TSTD2: variants seen among roughly 807,000 people sequenced by gnomAD.
TSTD2 encodes the protein thiosulfate sulfurtransferase like domain containing 2.
Under a neutral mutation model 47.9 loss-of-function variants are expected in TSTD2, and 37 were observed. That is an observed-to-expected ratio of 0.77 (90% confidence interval 0.59 to 1.02). The LOEUF (loss-of-function observed/expected upper bound fraction) is 1.02, where lower values mean the gene tolerates loss of function less well. TSTD2 is among the 50% of genes least tolerant of loss of function. TSTD2 has a pLI of 0.00. For synonymous variants in TSTD2, 201 were observed against 215.9 expected (o/e 0.93, Z 0.61); for missense variants, 586 against 616.0 (o/e 0.95, Z 0.52).
At chr9:97,627,678 A>T in intron 1 of TSTD2, 66 bp from the exon 2 acceptor site, 3 of 1,101,762 alleles carry the variant, frequency 2.7e-6, no homozygotes, top group Non-Finnish European at 2.6e-6. Context: ...ATATGAAGCT[A>T]ATCAATCACG....
Position 97,602,350 on chromosome 9 carries a change from G to GT in TSTD2, c.*118_*119insA. ...TGAAGTGTAGACGGCTGCCACGGTGGCAGCGGCCAGAACTGAAGTTCCCGA... is the reference window on the plus strand; with the variant it reads ...TGAAGTGTAGACGGCTGCCACGGTGGTCAGCGGCCAGAACTGAAGTTCCCGA... On this transcript the variant is annotated 3_prime_UTR_variant, in exon 10 of 10. Coordinates refer to ENST00000341170, the MANE Select transcript of TSTD2 (RefSeq NM_139246.5). 8.1e-7 allele frequency: 1 copy of GT among 1,240,196 alleles called. No homozygotes were observed. Among genetic ancestry groups the GT allele is most frequent in the Non-Finnish European group, 1.1e-6 (1 of 916,750 alleles). The allele number at this position is 1,240,196 out of a possible 1,614,324, so 76.8% of individuals were successfully genotyped here.
intron 4 of TSTD2, among the ~76,000 whole-genome samples, chr9:97,616,193 GAAA>G (rs1419355887): frequency 6.6e-6 from 1 of 152,056 alleles, no homozygotes; most frequent in African/African-American, 2.4e-5. Context: ...CCCAAGGAGA[GAAA>G]AGAACTCGGT....
At chr9:97,612,584 C>T (rs1826476831) in intron 4 of TSTD2, among the ~76,000 whole-genome samples, 2 of 152,214 alleles carry the variant, frequency 1.3e-5, no homozygotes, top group Admixed American at 1.3e-4. Context: ...AAGACAGAGT[C>T]TTGCTCTGTT....
At chr9:97,610,307 C>T (rs773616324) in intron 6 of TSTD2, 39 bp downstream of exon 6, 1 of 1,551,846 alleles carries the variant, frequency 6.4e-7, no homozygotes, top group Admixed American at 1.8e-5. Flanking sequence ...AAGTTTTGTC[C>T]CTGTGAATTA....
At chr9:97,618,727 A>G (rs1221946805) in intron 3 of TSTD2, among the ~76,000 whole-genome samples, 3 of 152,208 alleles carry the variant, frequency 2.0e-5, no homozygotes, top group African/African-American at 4.8e-5. Context: ...TCCACAGAAC[A>G]TATTTTAGGG....
rs1268612150 is a variant in TSTD2 at position 97,627,614 on chromosome 9, T to A, written c.-50-2A>T. ...ATATTCCTTTCAGTTAAATACCTCC[T>A]AGAATATAAATAAGAAAGAAGCAGC... On this transcript the variant is annotated splice_acceptor_variant, in intron 1 of 9. Coordinates refer to ENST00000341170, the MANE Select transcript of TSTD2 (RefSeq NM_139246.5). LOFTEE classifies it low-confidence loss of function (5UTR_SPLICE). The A allele has an allele frequency of 1.4e-6, 2 of 1,460,038 alleles. No individual in the cohort carries two copies. Among genetic ancestry groups the A allele is most frequent in the African/African-American group, 2.8e-5 (2 of 70,778 alleles). 90.4% of individuals were successfully genotyped at this position (1,460,038 alleles called of 1,614,324 possible).
chr9:97,600,851 A>T lies in TSTD2; in HGVS notation c.*1618T>A. ...TGTGCGTCTCTTGGGATCCAGCAAA[A>T]GTGTTAAGCCACAATGCCCTTGTGC... is the stretch of plus-strand genomic sequence containing the variant. On this transcript the variant is annotated 3_prime_UTR_variant, in exon 10 of 10. Transcript: ENST00000341170. The T allele has an allele frequency of 9.3e-7, 1 of 1,076,874 alleles. No homozygotes were observed. The highest frequency in any genetic ancestry group is 1.1e-6 in the Non-Finnish European group (1 of 881,028). The allele number at this position is 1,076,874 out of a possible 1,614,324, so 66.7% of individuals were successfully genotyped here.
chr9:97,606,085 C>T lies in TSTD2; in HGVS notation c.954+58G>A. ...CAAGGTCCCCTTGGGAAATATACCA[C>T]ACTGTGGGAATGGGGAGATCTACCA... On this transcript the variant is annotated intron_variant, in intron 7 of 9. Transcript: ENST00000341170. 2.4e-6 allele frequency: 3 copies of T among 1,244,440 alleles called. No homozygotes were observed. In the East Asian group the frequency reaches 7.0e-5, roughly 29 times the overall value. 77.1% of individuals were successfully genotyped at this position (1,244,440 alleles called of 1,614,324 possible). A position where few individuals can be genotyped will look rare whatever the true frequency, so the allele number is the denominator to read the frequency against.
At position 97,617,881 on chromosome 9, in the gene TSTD2, T is replaced by C; in HGVS notation, c.483-4A>G. On this transcript the variant is annotated splice_region_variant and splice_polypyrimidine_tract_variant and intron_variant, in intron 3 of 9. Transcript: ENST00000341170. ...CCCTTCTTCACTGCCCTGGCCACTA[T>C]AAAATGAAAATCCAAGGCAAAGAGC... The C allele has an allele frequency of 6.2e-7, 1 of 1,605,656 alleles. No individual in the cohort carries two copies. The highest frequency in any genetic ancestry group is 8.5e-7 in the Non-Finnish European group (1 of 1,177,524).
chr9:97,629,675 T>A (rs1197163128), intron 1 of TSTD2, among the ~76,000 whole-genome samples: 3 of 152,198 alleles, frequency 2.0e-5, no homozygotes, highest in African/African-American at 7.2e-5. Flanking sequence ...GTAAAATAAG[T>A]AGAAGAATCT....
At chr9:97,608,481 C>A (rs1826403570) in intron 6 of TSTD2, among the ~76,000 whole-genome samples, 1 of 151,636 alleles carries the variant, frequency 6.6e-6, no homozygotes, top group South Asian at 2.1e-4. Context: ...ACTAAAAATA[C>A]AAAAATTACC....
At chr9:97,618,985 T>C (rs1826587134) in intron 3 of TSTD2, among the ~76,000 whole-genome samples, 1 of 152,256 alleles carries the variant, frequency 6.6e-6, no homozygotes, top group Admixed American at 6.5e-5. Context: ...CATGTGTCTT[T>C]TTCGTTGTTT....
At chr9:97,621,350 CTGTT>C (rs1374006514) in intron 3 of TSTD2, among the ~76,000 whole-genome samples, 8 of 151,574 alleles carry the variant, frequency 5.3e-5, no homozygotes, top group African/African-American at 1.7e-4. Flanking sequence ...ATTGCACAAA[CTGTT>C]TGTAAAACAT....
chr9:97,605,326 C>A (rs1470379403), intron 8 of TSTD2, among the ~76,000 whole-genome samples, 157 bp downstream of exon 8: 1 of 152,158 alleles, frequency 6.6e-6, no homozygotes, highest in Non-Finnish European at 1.5e-5. Context: ...AGATTTTGTA[C>A]TTACGAACTC....
intron 1 of TSTD2, among the ~76,000 whole-genome samples, chr9:97,629,277 C>T (rs1324845624): frequency 2.0e-5 from 3 of 152,192 alleles, no homozygotes; most frequent in Non-Finnish European, 4.4e-5. Context: ...GGAACACACA[C>T]TGCTTGTTAA....
Position 97,601,395 on chromosome 9 carries a change from CTG to C in TSTD2, c.*1072_*1073del. 1 of 1,045,702 alleles carries C rather than the reference CTG, an allele frequency of 9.6e-7. No homozygotes were observed. The highest frequency in any genetic ancestry group is 1.2e-6 in the Non-Finnish European group (1 of 864,296). 64.8% of individuals were successfully genotyped at this position (1,045,702 alleles called of 1,614,324 possible). A position where few individuals can be genotyped will look rare whatever the true frequency, so the allele number is the denominator to read the frequency against. Reference sequence around the variant, plus strand: ...TGTATTCCAGGTGCTGATCTAAAAACTGTGGCTCAAATGTCACCGAGCTTATA... The same window carrying C: ...TGTATTCCAGGTGCTGATCTAAAAACTGGCTCAAATGTCACCGAGCTTATA... On this transcript the variant is annotated 3_prime_UTR_variant, in exon 10 of 10. Transcript: ENST00000341170.
intron 3 of TSTD2, among the ~76,000 whole-genome samples, 156 bp from the exon 4 acceptor site, chr9:97,618,033 G>C (rs1826574574): frequency 6.6e-6 from 1 of 152,214 alleles, no homozygotes; most frequent in Non-Finnish European, 1.5e-5. Flanking sequence ...GAAATGAGAA[G>C]CAACTTCTTT....
chr9:97,608,474 A>G (rs1161259268), intron 6 of TSTD2, among the ~76,000 whole-genome samples: 1 of 151,926 alleles, frequency 6.6e-6, no homozygotes, highest in Admixed American at 6.6e-5. Context: ...CATCTCTACT[A>G]AAAATACAAA....
chr9:97,604,440 C>T (rs1453827070), intron 9 of TSTD2: 1 of 344,380 alleles, frequency 2.9e-6, no homozygotes, highest in African/African-American at 2.1e-5. Context: ...TAGTACAGCT[C>T]TTGGCAGGTA....
Sources: gnomAD v4.1 joint callset for allele counts (sites outside exome capture counted in the v4.1 genomes callset) on GRCh38, gnomAD v4.1.1 for gene constraint, MANE v1.5 for transcripts, NCBI Gene and HGNC (gene_info 2026-07-23, HGNC 2026-07-21) for gene names.